ZDHHC11B: variants seen among roughly 807,000 people sequenced by gnomAD.
ZDHHC11B encodes the protein probable palmitoyltransferase ZDHHC11B.
A neutral mutation model predicts 42.3 loss-of-function variants in ZDHHC11B; 17 were observed. The ratio of observed to expected loss-of-function variants is 0.40; its 90% CI spans 0.27 to 0.60. The LOEUF (loss-of-function observed/expected upper bound fraction) is 0.60, where lower values mean the gene tolerates loss of function less well. Among genes scored for constraint, ZDHHC11B ranks in the 20% least tolerant of loss-of-function variants. ZDHHC11B has a pLI of 0.41. For missense variants in ZDHHC11B, 262 were observed against 463.2 expected (o/e 0.57, Z 3.99); for synonymous variants, 123 against 193.5 (o/e 0.64, Z 3.02).
intron 11 of ZDHHC11B, among the ~76,000 whole-genome samples, chr5:731,782 G>A (rs1459830343): frequency 1.4e-4 from 21 of 151,904 alleles, no homozygotes; most frequent in Admixed American, 9.8e-4. Flanking sequence ...ACAAGACTCC[G>A]GAGATATTCT....
chr5:766,944 C>G (rs576183666), intron 3 of ZDHHC11B, 25 bp from the exon 4 acceptor site: 3 of 1,606,588 alleles, frequency 1.9e-6, no homozygotes, highest in Non-Finnish European at 2.6e-6. Context: ...AGGGGAGGAC[C>G]TGCGCCATCA....
At chr5:746,952 C>A (rs903905642) in intron 8 of ZDHHC11B, among the ~76,000 whole-genome samples, 4 of 124,194 alleles carry the variant, frequency 3.2e-5, no homozygotes, top group Non-Finnish European at 5.2e-5. Flanking sequence ...TGGGGGGACT[C>A]ACCCTGACTC....
chr5:725,112 G>C lies in ZDHHC11B; in HGVS notation c.1058+5322C>G, dbSNP rs1012540379. 1.3e-4 allele frequency among the ~76,000 whole-genome samples: 19 copies of C among 151,518 alleles called. 1 individual carries two copies. Among genetic ancestry groups the C allele is most frequent in the Admixed American group, 3.3e-4 (5 of 15,194 alleles). ...GTGTCAGCTCCCGAATGTGGGACCC[G>C]GATGACAGGATTCGTGAGTGCCTTC... On this transcript the variant is annotated intron_variant, in intron 12 of 13. Coordinates refer to ENST00000508859, the MANE Select transcript of ZDHHC11B (RefSeq NM_001351303.2).
chr5:779,145 G>T (rs1480549947), intron 1 of ZDHHC11B, among the ~76,000 whole-genome samples: 2 of 151,494 alleles, frequency 1.3e-5, no homozygotes. Flanking sequence ...GTCGCCCTGA[G>T]GCTGGGGCTG....
At chr5:712,831 C>T (rs1223887100) in intron 13 of ZDHHC11B, among the ~76,000 whole-genome samples, 1 of 151,652 alleles carries the variant, frequency 6.6e-6, no homozygotes, top group Admixed American at 6.6e-5. Flanking sequence ...ATGTTGTGAA[C>T]CCGGGAGGCG....
intron 12 of ZDHHC11B, among the ~76,000 whole-genome samples, chr5:719,295 T>A (rs1243035202): frequency 6.6e-6 from 1 of 151,516 alleles, no homozygotes; most frequent in African/African-American, 2.4e-5. Flanking sequence ...TATGGCCCAC[T>A]CACAGGGGAA....
chr5:773,304 G>A (rs1372860818), intron 1 of ZDHHC11B, among the ~76,000 whole-genome samples: 1 of 151,838 alleles, frequency 6.6e-6, no homozygotes, highest in Non-Finnish European at 1.5e-5. Context: ...GTGCACCTGA[G>A]CCCTGGGTGC....
intron 13 of ZDHHC11B, among the ~76,000 whole-genome samples, chr5:716,417 T>G (rs183976567): frequency 1.3e-5 from 2 of 151,922 alleles, no homozygotes; most frequent in Admixed American, 1.3e-4. Context: ...CAGGGATAGG[T>G]AGGATCAGAG....
At chr5:778,631 CAG>C (rs1382716627) in intron 1 of ZDHHC11B, among the ~76,000 whole-genome samples, 1 of 152,142 alleles carries the variant, frequency 6.6e-6, no homozygotes, top group African/African-American at 2.4e-5. Context: ...GGGACCAGGC[CAG>C]CTCTGGGCCA....
chr5:723,355 G>A (rs1742330995), intron 12 of ZDHHC11B, among the ~76,000 whole-genome samples: 1 of 93,148 alleles, frequency 1.1e-5, no homozygotes, highest in Admixed American at 9.2e-5. Flanking sequence ...CAACCTTCTT[G>A]GGAAGAGATA....
Position 766,708 on chromosome 5 carries a change from A to T in ZDHHC11B, c.212T>A (p.Ile71Asn). 1 of 1,609,324 alleles carries T rather than the reference A, an allele frequency of 6.2e-7. No individual in the cohort carries two copies. The highest frequency in any genetic ancestry group is 1.1e-5 in the South Asian group (1 of 90,516). Residue 71 changes from isoleucine to asparagine, a missense_variant, in exon 4 of 14, where the codon ATC becomes AAC. Transcript: ENST00000508859. The stretch of plus-strand genomic sequence containing the variant: ...CGATGAAAAGGATACCACATAGGCG[A>T]TGTATTTCCACGAGTGAGGCAGGAG... ...IPLLPHSWKY[I>N]AYVVTGGIFS...
intron 10 of ZDHHC11B, among the ~76,000 whole-genome samples, chr5:735,691 C>T (rs1444556257): frequency 1.4e-5 from 2 of 146,900 alleles, no homozygotes; most frequent in Non-Finnish European, 3.0e-5. Context: ...AATTAACAGC[C>T]AATAATTTTG....
In ZDHHC11B at chr5:748,433, C is replaced by T. The variant is rs1232665095; in HGVS notation, c.755G>A (p.Gly252Asp). 7.4e-7 allele frequency: 1 copy of T among 1,359,608 alleles called. No homozygotes were observed. The highest frequency in any genetic ancestry group is 1.9e-4 in the Middle Eastern group (1 of 5,236). 84.2% of individuals were successfully genotyped at this position (1,359,608 alleles called of 1,614,324 possible). A position where few individuals can be genotyped will look rare whatever the true frequency, so the allele number is the denominator to read the frequency against. Residue 252 changes from glycine to aspartate, a missense_variant, in exon 8 of 14, where the codon GGC becomes GAC. Physicochemically the swap from Gly to Asp is moderately conservative, Grantham distance 94. Around this residue, in one of 5 missense-constraint regions of ZDHHC11B, gnomAD observed 57 missense variants for 103.3 expected, o/e 0.55. Transcript: ENST00000508859. ...LLDLLGLVQL[G>D]QLLIFHIYLK... ...GTAGATGTGGAAGATGAGCAGCTGGCCCAGCTGCACCAAGCCAAGAAGGTC... is the reference window on the plus strand; with the variant it reads ...GTAGATGTGGAAGATGAGCAGCTGGTCCAGCTGCACCAAGCCAAGAAGGTC...
intron 4 of ZDHHC11B, among the ~76,000 whole-genome samples, chr5:757,024 G>A (rs1295538132): frequency 8.0e-4 from 122 of 151,736 alleles, no homozygotes; most frequent in Middle Eastern, 3.4e-3. Flanking sequence ...GCCAGGAGAA[G>A]CTGGGCTCCC....
chr5:779,225 C>T lies in ZDHHC11B; in HGVS notation c.-230+5443G>A, dbSNP rs1736786760. On this transcript the variant is annotated intron_variant, in intron 1 of 13. Coordinates refer to ENST00000508859, the MANE Select transcript of ZDHHC11B (RefSeq NM_001351303.2). ...CTAGAAGAGGCAGGGAGCGTCCCACCAAGCCTCCAGAGGAAGCTGACTCAT... is the reference window on the plus strand; with the variant it reads ...CTAGAAGAGGCAGGGAGCGTCCCACTAAGCCTCCAGAGGAAGCTGACTCAT... Among the ~76,000 whole-genome samples the T allele has an allele frequency of 2.0e-5, 3 of 151,298 alleles. No individual in the cohort carries two copies. In the South Asian group the frequency reaches 6.2e-4, roughly 31 times the overall value.
chr5:758,612 G>C (rs1327876349), intron 4 of ZDHHC11B, among the ~76,000 whole-genome samples: 2 of 151,726 alleles, frequency 1.3e-5, no homozygotes, highest in Admixed American at 6.6e-5. Context: ...ACCTGCAGGC[G>C]CCATGGCCAG....
chr5:721,212 GA>G (rs1742158444), intron 12 of ZDHHC11B, among the ~76,000 whole-genome samples: 1 of 151,018 alleles, frequency 6.6e-6, no homozygotes, highest in Non-Finnish European at 1.5e-5. Context: ...TACAAAAAAG[GA>G]AAGAACAAAG....
At chr5:741,695 A>G (rs1315342910) in intron 9 of ZDHHC11B, 67 bp from the exon 10 acceptor site, 1 of 1,554,584 alleles carries the variant, frequency 6.4e-7, no homozygotes, top group African/African-American at 1.4e-5. Context: ...ATTCTTACAT[A>G]AAAGTCACGT....
Position 754,219 on chromosome 5 carries a change from A to ACCTCT in ZDHHC11B, c.503+778_503+779insAGAGG, listed in dbSNP as rs1561162945. ...AGCCTCCACCATGCTCAGGGGAAAC[A>ACCTCT]CGTCTCATCTATGAGCCTCCACCGT... On this transcript the variant is annotated intron_variant, in intron 6 of 13. Transcript: ENST00000508859. Among the ~76,000 whole-genome samples the ACCTCT allele has an allele frequency of 1.2e-3, 118 of 97,776 alleles. 24 individuals carry two copies. Among genetic ancestry groups the ACCTCT allele is most frequent in the East Asian group, 1.7e-3 (4 of 2,314 alleles). 64.1% of individuals were successfully genotyped at this position (97,776 alleles called of 152,430 possible).
Sources: allele counts gnomAD v4.1 joint callset (sites outside exome capture counted in the v4.1 genomes callset), GRCh38; gene constraint gnomAD v4.1.1; regional missense constraint gnomAD v4.1.1; transcripts MANE v1.5; gene names NCBI Gene and HGNC (gene_info 2026-07-23, HGNC 2026-07-21).